Variants in COMMD1 observed in about 807,000 individuals in gnomAD.
COMMD1 encodes the protein copper metabolism domain containing 1.
In COMMD1, 10 loss-of-function variants were observed where a neutral mutation model predicts 17.2. The observed-to-expected ratio is 0.58, with a 90% CI of 0.36 to 0.99. The LOEUF (loss-of-function observed/expected upper bound fraction) is 0.99, where lower values mean the gene tolerates loss of function less well. Ranked by LOEUF, COMMD1 falls within the 50% of genes least tolerant of loss-of-function variation. The pLI, the probability that COMMD1 is intolerant of heterozygous loss-of-function variation, is 0.01. For synonymous variants in COMMD1, 97 were observed against 91.6 expected (o/e 1.06, Z -0.34); for missense variants, 270 against 231.8 (o/e 1.17, Z -1.07).
chr2:62,007,557 AG>A (rs1669155031), intron 2 of COMMD1, among the ~76,000 whole-genome samples: 2 of 152,340 alleles, frequency 1.3e-5, no homozygotes, highest in Admixed American at 1.3e-4. Flanking sequence ...TGTATTTTAA[AG>A]GTAACTTTTC....
chr2:62,111,617 G>T (rs1672458543), intron 2 of COMMD1, among the ~76,000 whole-genome samples: 4 of 152,130 alleles, frequency 2.6e-5, no homozygotes, highest in Admixed American at 2.0e-4. Flanking sequence ...AGGGAGAGGG[G>T]TTCTAGTTTC....
intron 2 of COMMD1, among the ~76,000 whole-genome samples, chr2:62,115,692 G>T (rs928742524): frequency 6.6e-6 from 1 of 151,968 alleles, no homozygotes; most frequent in Non-Finnish European, 1.5e-5. Context: ...GAGATAAAGG[G>T]GTATGACATC....
chr2:62,130,131 C>T (rs1252563252), intron 2 of COMMD1, among the ~76,000 whole-genome samples: 1 of 147,536 alleles, frequency 6.8e-6, no homozygotes, highest in Non-Finnish European at 1.5e-5. Context: ...GCCGAGATCG[C>T]GCCAGTGAGC....
At chr2:62,020,836 CTAAAAAT>C (rs1669592541) in intron 2 of COMMD1, among the ~76,000 whole-genome samples, 1 of 152,052 alleles carries the variant, frequency 6.6e-6, no homozygotes, top group Admixed American at 6.6e-5. Flanking sequence ...CCCATCTCTA[CTAAAAAT>C]ACAAAAAAAA....
intron 2 of COMMD1, among the ~76,000 whole-genome samples, chr2:62,053,889 G>T (rs1265491397): frequency 2.0e-5 from 3 of 152,144 alleles, no homozygotes; most frequent in Admixed American, 6.5e-5. Context: ...CACAGCGAAA[G>T]AAATAACCCA....
chr2:62,073,218 C>T lies in COMMD1; in HGVS notation c.463-62613C>T, dbSNP rs113613628. Among the ~76,000 whole-genome samples the T allele has an allele frequency of 7.5e-3, 1,142 of 152,326 alleles. 16 individuals carry two copies. Among genetic ancestry groups the T allele is most frequent in the African/African-American group, 0.025 (1,057 of 41,566 alleles). ...AGCCATCTTTTGTGGGGGAAATTTG[C>T]ATTTGTAGAGAATCTCTGTTAATGC... On this transcript the variant is annotated intron_variant, in intron 2 of 2. Transcript: ENST00000311832.
At chr2:62,132,069 A>T (rs1673053691) in intron 2 of COMMD1, among the ~76,000 whole-genome samples, 1 of 151,368 alleles carries the variant, frequency 6.6e-6, no homozygotes, top group Non-Finnish European at 1.5e-5. Context: ...TTGTATTTTT[A>T]ATAAAGATGG....
intron 1 of COMMD1, among the ~76,000 whole-genome samples, chr2:61,950,984 T>G (rs1671036787): frequency 5.9e-5 from 9 of 152,324 alleles, no homozygotes; most frequent in Admixed American, 4.6e-4. Context: ...GTTTACCAAC[T>G]TAAAATGGAG....
chr2:61,902,733 A>G (rs1669684736), upstream of COMMD1, among the ~76,000 whole-genome samples: 1 of 152,114 alleles, frequency 6.6e-6, no homozygotes, highest in Non-Finnish European at 1.5e-5. Context: ...TCATATTCCC[A>G]GCTACTTAGC....
rs145966602 is a variant in COMMD1 at position 62,055,356 on chromosome 2, G to A, written c.462+54374G>A. The A allele has an allele frequency of 1.6e-3, 700 of 447,530 alleles. 6 individuals are homozygous for A. The highest frequency in any genetic ancestry group is 0.013 in the African/African-American group (659 of 49,180). The allele number at this position is 447,530 out of a possible 1,614,324, so 27.7% of individuals were successfully genotyped here. A position where few individuals can be genotyped will look rare whatever the true frequency, so the allele number is the denominator to read the frequency against. On this transcript the variant is annotated intron_variant, in intron 2 of 2. Coordinates refer to ENST00000311832, the MANE Select transcript of COMMD1 (RefSeq NM_152516.4). The stretch of plus-strand genomic sequence containing the variant: ...TGAAAAGGGGGAAAGACCCAATGAT[G>A]AGACAGCAGAAGACTCTAAGACTGC...
chr2:62,089,827 C>G (rs1207232737), intron 2 of COMMD1, among the ~76,000 whole-genome samples: 1 of 152,060 alleles, frequency 6.6e-6, no homozygotes, highest in Non-Finnish European at 1.5e-5. Context: ...CCCTCTTGGC[C>G]AAAAAGCATT....
chr2:62,110,071 C>T (rs916774618), intron 2 of COMMD1, among the ~76,000 whole-genome samples: 9 of 151,616 alleles, frequency 5.9e-5, no homozygotes, highest in African/African-American at 2.2e-4. Flanking sequence ...ACATAATCTA[C>T]TGAAATTGCC....
chr2:62,069,729 G>A (rs573635101), intron 2 of COMMD1: 1 of 152,134 alleles, frequency 6.6e-6, no homozygotes, highest in African/African-American at 2.4e-5. Context: ...TGAAGAGAGA[G>A]ATCATTTCCA....
chr2:61,923,150 G>C (rs1422672346), intron 1 of COMMD1, among the ~76,000 whole-genome samples: 1 of 152,092 alleles, frequency 6.6e-6, no homozygotes, highest in African/African-American at 2.4e-5. Context: ...AACAGAAACT[G>C]CTACTTTTTA....
intron 1 of COMMD1, among the ~76,000 whole-genome samples, chr2:61,999,399 G>A (rs1380617234): frequency 1.3e-5 from 2 of 152,124 alleles, no homozygotes; most frequent in African/African-American, 4.8e-5. Context: ...TAGTATTATT[G>A]TGAATGAGCT....
chr2:62,069,648 G>C (rs996139624), intron 2 of COMMD1: 1 of 152,190 alleles, frequency 6.6e-6, no homozygotes, highest in Non-Finnish European at 1.5e-5. Flanking sequence ...CTCACTGGTT[G>C]TATTTCTTGG....
At chr2:62,132,689 A>T (rs1328918107) in intron 2 of COMMD1, among the ~76,000 whole-genome samples, 1 of 152,102 alleles carries the variant, frequency 6.6e-6, no homozygotes, top group Non-Finnish European at 1.5e-5. Context: ...TATTGAAAAA[A>T]AATACAAAAA....
intron 2 of COMMD1, among the ~76,000 whole-genome samples, chr2:62,097,886 C>A (rs781267215): frequency 6.6e-6 from 1 of 152,298 alleles, no homozygotes; most frequent in East Asian, 1.9e-4. Context: ...AGGGGGGAAA[C>A]CCTCTCTGTT....
chr2:61,929,800 T>G (rs778509048), intron 1 of COMMD1, among the ~76,000 whole-genome samples: 1 of 152,118 alleles, frequency 6.6e-6, no homozygotes, highest in Non-Finnish European at 1.5e-5. Context: ...GGTGCATGTC[T>G]GTAGTCCCAG....
Sources: allele counts gnomAD v4.1 joint callset (sites outside exome capture counted in the v4.1 genomes callset), GRCh38; gene constraint gnomAD v4.1.1; transcripts MANE v1.5; gene names NCBI Gene and HGNC (gene_info 2026-07-23, HGNC 2026-07-21).